VRTN: variants seen among roughly 807,000 people sequenced by gnomAD.
The protein encoded by VRTN is vertebrae development associated.
In VRTN, 5 loss-of-function variants were observed where a neutral mutation model predicts 18.2. The ratio of observed to expected loss-of-function variants is 0.27; its 90% CI spans 0.14 to 0.58. VRTN has a LOEUF of 0.58. Ranked by LOEUF, VRTN falls within the 20% of genes least tolerant of loss-of-function variation. The pLI, the probability that VRTN is intolerant of heterozygous loss-of-function variation, is 0.91. For synonymous variants in VRTN, 381 were observed against 393.7 expected, an observed-to-expected ratio of 0.97 and a Z score of 0.38; for missense variants, 741 against 939.4, an observed-to-expected ratio of 0.79 and a Z score of 2.76.
upstream of VRTN, among the ~76,000 whole-genome samples, chr14:74,345,957 G>A (rs8017796): frequency 0.42 from 62,588 of 149,970 alleles, 15,583 homozygotes; most frequent in African/African-American, 0.71. Flanking sequence ...AGAAAAGCAA[G>A]GAAAATACCC....
intron 1 of VRTN, among the ~76,000 whole-genome samples, chr14:74,312,575 C>T (rs1247521847): frequency 1.3e-5 from 2 of 151,784 alleles, no homozygotes; most frequent in Admixed American, 6.6e-5. Context: ...CTCAGCCTCC[C>T]GAGTAGCTGG....
intron 1 of VRTN, among the ~76,000 whole-genome samples, chr14:74,326,097 C>T (rs538234341): frequency 8.1e-4 from 124 of 152,216 alleles, no homozygotes; most frequent in Middle Eastern, 6.8e-3. Context: ...AAGCAGGGTT[C>T]GGACCCATGT....
At chr14:74,312,316 A>C (rs1237330969) in intron 1 of VRTN, among the ~76,000 whole-genome samples, 1 of 152,218 alleles carries the variant, frequency 6.6e-6, no homozygotes, top group Non-Finnish European at 1.5e-5. Context: ...TTTGTTTTTT[A>C]AAAGCATGTT....
intron 1 of VRTN, among the ~76,000 whole-genome samples, chr14:74,319,090 C>T (rs985941371): frequency 2.6e-5 from 4 of 151,738 alleles, no homozygotes; most frequent in East Asian, 1.9e-4. Flanking sequence ...TGCAGTGGCT[C>T]GACCTTGGCT....
At chr14:74,352,036 G>C (rs1161316304) in intron 1 of VRTN, among the ~76,000 whole-genome samples, 2 of 151,542 alleles carry the variant, frequency 1.3e-5, no homozygotes, top group South Asian at 2.1e-4. Flanking sequence ...ATTTTTAGTA[G>C]ACACAGGGTT....
intron 1 of VRTN, among the ~76,000 whole-genome samples, chr14:74,330,308 T>C (rs545775553): frequency 6.6e-6 from 1 of 152,264 alleles, no homozygotes; most frequent in Admixed American, 6.5e-5. Flanking sequence ...TTGTTCTACA[T>C]GAAAACTAAA....
chr14:74,349,740 G>T (rs2085671402), intron 1 of VRTN, among the ~76,000 whole-genome samples: 1 of 152,184 alleles, frequency 6.6e-6, no homozygotes, highest in African/African-American at 2.4e-5. Flanking sequence ...TTGAAATAAA[G>T]AATGGGGGAG....
intron 1 of VRTN, among the ~76,000 whole-genome samples, chr14:74,321,505 CTTTTTT>C (rs564056249): frequency 7.7e-6 from 1 of 129,130 alleles, no homozygotes; most frequent in Non-Finnish European, 1.6e-5. Flanking sequence ...CTTTCATTTG[CTTTTTT>C]TTTTTTTTTT....
intron 1 of VRTN, among the ~76,000 whole-genome samples, chr14:74,356,505 C>T (rs144533937): frequency 1.5e-3 from 226 of 152,250 alleles, no homozygotes; most frequent in African/African-American, 5.2e-3. Context: ...TTTTAACACA[C>T]CATTCCCATT....
intron 2 of VRTN, among the ~76,000 whole-genome samples, chr14:74,342,474 C>T (rs141753210): frequency 3.3e-5 from 5 of 151,878 alleles, no homozygotes; most frequent in East Asian, 1.9e-4. Context: ...TATGTATATG[C>T]GCACATACAC....
At chr14:74,343,685 T>C (rs1385037194), upstream of VRTN, among the ~76,000 whole-genome samples, 1 of 152,196 alleles carries the variant, frequency 6.6e-6, no homozygotes, top group East Asian at 1.9e-4. Context: ...CAGCCACATG[T>C]GGCTGTGGAG....
At chr14:74,346,607 G>A (rs1368415093), upstream of VRTN, among the ~76,000 whole-genome samples, 3 of 152,020 alleles carry the variant, frequency 2.0e-5, no homozygotes, top group Non-Finnish European at 2.9e-5. Context: ...TCAATCTTTT[G>A]TAAAGAGAAT....
At chr14:74,304,125 A>G (rs1352621388) in intron 1 of VRTN, among the ~76,000 whole-genome samples, 1 of 151,776 alleles carries the variant, frequency 6.6e-6, no homozygotes, top group African/African-American at 2.4e-5. Flanking sequence ...TGTTGGGATT[A>G]CAAGAGTGAG....
intron 1 of VRTN, among the ~76,000 whole-genome samples, chr14:74,308,839 C>T (rs935320660): frequency 1.3e-5 from 2 of 150,252 alleles, no homozygotes; most frequent in East Asian, 3.9e-4. Context: ...TATGCCCTGG[C>T]CTTGCCTATT....
At position 74,358,917 on chromosome 14, in the gene VRTN, A is replaced by T; in HGVS notation, c.*25A>T. ...ACAGGGAGGTACAAAAGGGGCTGGGAAGAAGGGGGACCAGTTTGGAGAGGG... is the reference window on the plus strand; with the variant it reads ...ACAGGGAGGTACAAAAGGGGCTGGGTAGAAGGGGGACCAGTTTGGAGAGGG... On this transcript the variant is annotated 3_prime_UTR_variant, in exon 2 of 2. Transcript: ENST00000256362. This position sits in a 1 kb window ranked among gnomAD's most constrained non-coding sequence, Gnocchi z 5.4. 6.3e-7 allele frequency: 1 copy of T among 1,585,706 alleles called. No homozygotes were observed. Among genetic ancestry groups the T allele is most frequent in the Non-Finnish European group, 8.6e-7 (1 of 1,165,112 alleles).
At chr14:74,348,952 AG>A (rs2085664272) in intron 1 of VRTN, among the ~76,000 whole-genome samples, 1 of 119,670 alleles carries the variant, frequency 8.4e-6, no homozygotes, top group South Asian at 3.0e-4. Context: ...GTCCCTCCCC[AG>A]GTTCCCCGGG....
At chr14:74,336,585 C>T (rs1235617492) in intron 1 of VRTN, among the ~76,000 whole-genome samples, 4 of 152,088 alleles carry the variant, frequency 2.6e-5, no homozygotes, top group African/African-American at 9.7e-5. Flanking sequence ...TCTGAAATCC[C>T]ACTTTAATTT....
chr14:74,324,793 G>A (rs1348268249), intron 1 of VRTN, among the ~76,000 whole-genome samples: 3 of 151,726 alleles, frequency 2.0e-5, no homozygotes, highest in South Asian at 4.2e-4. Flanking sequence ...AGGCTGAGGC[G>A]GGAGGATGGC....
chr14:74,345,308 G>T (rs1409828018), upstream of VRTN, among the ~76,000 whole-genome samples: 1 of 149,544 alleles, frequency 6.7e-6, no homozygotes, highest in East Asian at 2.0e-4. Flanking sequence ...GCCTCCCAAC[G>T]TGCTGGGATT....
Sources: allele counts gnomAD v4.1 joint callset (sites outside exome capture counted in the v4.1 genomes callset), GRCh38; gene constraint gnomAD v4.1.1; non-coding constraint Gnocchi (gnomAD v3.1); transcripts MANE v1.5; gene names NCBI Gene and HGNC (gene_info 2026-07-23, HGNC 2026-07-21).